The following UBASH3A variants were observed in gnomAD, a reference collection of about 807,000 sequenced individuals.
UBASH3A encodes ubiquitin associated and SH3 domain containing A.
In UBASH3A, 63 loss-of-function variants were observed where a neutral mutation model predicts 73.5. The observed-to-expected ratio is 0.86, with a 90% CI of 0.70 to 1.06. UBASH3A has a LOEUF of 1.06. Ranked by LOEUF, UBASH3A falls within the 50% of genes least tolerant of loss-of-function variation. UBASH3A has a pLI of 0.00. For missense variants in UBASH3A, 860 were observed against 859.0 expected (o/e 1.00, Z -0.02); for synonymous variants, 363 against 351.1 (o/e 1.03, Z -0.38).
At chr21:42,423,265 C>T (rs916715557) in intron 7 of UBASH3A, among the ~76,000 whole-genome samples, 18 of 152,218 alleles carry the variant, frequency 1.2e-4, no homozygotes, top group African/African-American at 4.3e-4. Flanking sequence ...ACACAATTTG[C>T]TGACATAGAC....
intron 14 of UBASH3A, among the ~76,000 whole-genome samples, chr21:42,446,559 A>G (rs2053847186): frequency 1.3e-5 from 2 of 152,280 alleles, no homozygotes; most frequent in Non-Finnish European, 2.9e-5. Flanking sequence ...GCTTCACCAC[A>G]AAGCTCTGTT....
At chr21:42,410,237 A>C (rs2053062440) in intron 3 of UBASH3A, 2 of 693,538 alleles carry the variant, frequency 2.9e-6, no homozygotes, top group Non-Finnish European at 5.3e-6. Context: ...GGAGCTGCTC[A>C]GGAGAAAAGA....
At position 42,413,566 on chromosome 21, in the gene UBASH3A, T is replaced by A; in HGVS notation, c.667+43T>A. 1 of 1,428,652 alleles carries A rather than the reference T, an allele frequency of 7.0e-7. No individual in the cohort carries two copies. The highest frequency in any genetic ancestry group is 9.8e-7 in the Non-Finnish European group (1 of 1,019,394). The allele number at this position is 1,428,652 out of a possible 1,614,324, so 88.5% of individuals were successfully genotyped here. A position where few individuals can be genotyped will look rare whatever the true frequency, so the allele number is the denominator to read the frequency against. ...TTCCGGACCAGCTTTGGTCTTCTCT[T>A]TAGGCGGGAATAGCCTTGTTCTCAT... On this transcript the variant is annotated intron_variant, in intron 5 of 14. Coordinates refer to ENST00000319294, the MANE Select transcript of UBASH3A (RefSeq NM_018961.4). The surrounding 1 kb of genome is among the most constrained non-coding windows in gnomAD (Gnocchi z 4.5).
intron 12 of UBASH3A, 109 bp downstream of exon 12, chr21:42,442,705 C>A: frequency 1.6e-6 from 2 of 1,235,034 alleles, no homozygotes; most frequent in Non-Finnish European, 2.2e-6. Context: ...AGAGGGACCA[C>A]TGCAGTGGGG....
chr21:42,418,023 A>G (rs1471430505), intron 6 of UBASH3A, among the ~76,000 whole-genome samples: 1 of 151,444 alleles, frequency 6.6e-6, no homozygotes, highest in African/African-American at 2.4e-5. Flanking sequence ...AGCTGGGACT[A>G]CAGGCACCCG....
intron 11 of UBASH3A, among the ~76,000 whole-genome samples, chr21:42,438,710 AAGG>A (rs2053673016): frequency 6.6e-6 from 1 of 152,072 alleles, no homozygotes; most frequent in South Asian, 2.1e-4. Context: ...GTGCAGGAGA[AAGG>A]AGGTGATCTG....
rs981114405 is a variant in UBASH3A at position 42,413,299 on chromosome 21, C to T, written c.553+77C>T. ...GCCCTCTGTGGCAGGGACTAGCCCC[C>T]GGCACATGGATGCAGTGGGTGGGTT... On this transcript the variant is annotated intron_variant, in intron 4 of 14. Transcript: ENST00000319294. This position sits in a 1 kb window ranked among gnomAD's most constrained non-coding sequence, Gnocchi z 4.5. 1.2e-5 allele frequency: 19 copies of T among 1,566,980 alleles called. No individual in the cohort carries two copies. Among genetic ancestry groups the T allele is most frequent in the Admixed American group, 1.0e-4 (6 of 59,278 alleles).
At chr21:42,440,241 C>CT (rs1568939391) in intron 11 of UBASH3A, among the ~76,000 whole-genome samples, 1 of 152,218 alleles carries the variant, frequency 6.6e-6, no homozygotes, top group Non-Finnish European at 1.5e-5. Context: ...GCCTTTCCAG[C>CT]TCTGCGCTTT....
chr21:42,428,732 G>A (rs559508044), intron 8 of UBASH3A, among the ~76,000 whole-genome samples: 116 of 152,020 alleles, frequency 7.6e-4, no homozygotes, highest in Non-Finnish European at 1.5e-3. Flanking sequence ...GCCTGGAATG[G>A]AAGTCTCTGC....
At chr21:42,415,258 ACT>A (rs1285950730) in intron 5 of UBASH3A, among the ~76,000 whole-genome samples, 1 of 152,136 alleles carries the variant, frequency 6.6e-6, no homozygotes, top group Non-Finnish European at 1.5e-5. Flanking sequence ...CCCAGGCCAC[ACT>A]CACTCGCATG....
chr21:42,423,961 T>C (rs1263246480), intron 7 of UBASH3A, among the ~76,000 whole-genome samples: 1 of 152,106 alleles, frequency 6.6e-6, no homozygotes, highest in African/African-American at 2.4e-5. Context: ...TCCACTGTGC[T>C]GGCTAAATCT....
chr21:42,406,883 T>G (rs1447037459), intron 2 of UBASH3A, among the ~76,000 whole-genome samples: 1 of 152,168 alleles, frequency 6.6e-6, no homozygotes, highest in East Asian at 1.9e-4. Context: ...TTGAGATAGA[T>G]AGGAGGATGT....
rs1341007965 is a variant in UBASH3A at position 42,444,382 on chromosome 21, G to C, written c.1739-152G>C. 1.5e-5 allele frequency: 10 copies of C among 680,778 alleles called. No homozygotes were observed. The East Asian group carries it at 2.5e-4, about 17-fold the overall frequency. The allele number at this position is 680,778 out of a possible 1,614,324, so 42.2% of individuals were successfully genotyped here. On this transcript the variant is annotated intron_variant, in intron 13 of 14. Coordinates refer to ENST00000319294, the MANE Select transcript of UBASH3A (RefSeq NM_018961.4). ...GGGTGGGACGCAGGCATCACTGAGCGGTTACCAGCCACACTACTTCTAGCC... is the reference window on the plus strand; with the variant it reads ...GGGTGGGACGCAGGCATCACTGAGCCGTTACCAGCCACACTACTTCTAGCC...
intron 14 of UBASH3A, among the ~76,000 whole-genome samples, chr21:42,446,064 G>A (rs1195146874): frequency 1.3e-5 from 2 of 152,086 alleles, no homozygotes; most frequent in African/African-American, 4.8e-5. Context: ...GGGGGCCCAC[G>A]TAACCAAGGG....
intron 9 of UBASH3A, among the ~76,000 whole-genome samples, chr21:42,433,138 A>C (rs936273017): frequency 2.6e-5 from 4 of 152,254 alleles, no homozygotes; most frequent in East Asian, 1.9e-4. Flanking sequence ...ACAAAAGATC[A>C]AGTCACTTAT....
intron 7 of UBASH3A, among the ~76,000 whole-genome samples, chr21:42,425,585 T>C (rs543762671): frequency 5.4e-4 from 82 of 152,350 alleles, no homozygotes; most frequent in African/African-American, 1.9e-3. Flanking sequence ...GCATTTCCTA[T>C]CTAATGGCAT....
intron 2 of UBASH3A, among the ~76,000 whole-genome samples, chr21:42,409,080 C>T (rs1288982154): frequency 1.3e-5 from 2 of 152,096 alleles, no homozygotes; most frequent in East Asian, 1.9e-4. Flanking sequence ...AATTTTCCCA[C>T]ACCATCAAGG....
At chr21:42,419,650 C>G (rs1166780337) in intron 7 of UBASH3A, among the ~76,000 whole-genome samples, 3 of 152,244 alleles carry the variant, frequency 2.0e-5, no homozygotes, top group Non-Finnish European at 4.4e-5. Flanking sequence ...TTAGCCTCTA[C>G]TCGCTGCCAA....
chr21:42,444,257 G>A (rs2053807448), intron 13 of UBASH3A, among the ~76,000 whole-genome samples: 1 of 152,216 alleles, frequency 6.6e-6, no homozygotes, highest in African/African-American at 2.4e-5. Context: ...TGGCTGACGG[G>A]GCCCAGGCAG....
Sources: allele counts gnomAD v4.1 joint callset (sites outside exome capture counted in the v4.1 genomes callset), GRCh38; gene constraint gnomAD v4.1.1; non-coding constraint Gnocchi (gnomAD v3.1); transcripts MANE v1.5; gene names NCBI Gene and HGNC (gene_info 2026-07-23, HGNC 2026-07-21).